SGCZ: variants seen among roughly 807,000 people sequenced by gnomAD.
SGCZ encodes the protein sarcoglycan zeta, also known as zeta-sarcoglycan.
Under a neutral mutation model 41.3 loss-of-function variants are expected in SGCZ, and 40 were observed. The observed-to-expected ratio is 0.97, with a 90% CI of 0.75 to 1.26. The LOEUF is 1.26. SGCZ is among the 50% of genes most tolerant of loss of function. The pLI, the probability that SGCZ is intolerant of heterozygous loss-of-function variation, is 0.00. For synonymous variants in SGCZ, 206 were observed against 137.5 expected, an observed-to-expected ratio of 1.50 and a Z score of -3.49; for missense variants, 552 against 369.8, an observed-to-expected ratio of 1.49 and a Z score of -4.04.
intron 1 of SGCZ, among the ~76,000 whole-genome samples, chr8:14,862,960 CTT>C (rs1246718282): frequency 6.6e-6 from 1 of 152,058 alleles, no homozygotes; most frequent in Non-Finnish European, 1.5e-5. Flanking sequence ...TCAGAGTTGA[CTT>C]ATAACTTGTG....
At chr8:14,261,224 G>A (rs1418457772) in intron 3 of SGCZ, among the ~76,000 whole-genome samples, 1 of 152,082 alleles carries the variant, frequency 6.6e-6, no homozygotes. Context: ...CTAATACAGA[G>A]ACATCTGAGC....
At chr8:14,240,327 C>CAAAAAAAAAAAAAAAAAAAAAAAA (rs59351247) in intron 3 of SGCZ, among the ~76,000 whole-genome samples, 99 of 115,208 alleles carry the variant, frequency 8.6e-4, no homozygotes, top group Non-Finnish European at 1.4e-3. Context: ...AACTCTGTGT[C>CAAAAAAAAAAAAAAAAAAAAAAAA]AAAAAAAAAA....
intron 1 of SGCZ, among the ~76,000 whole-genome samples, chr8:14,686,713 G>T (rs1212638206): frequency 6.6e-6 from 1 of 151,990 alleles, no homozygotes; most frequent in African/African-American, 2.4e-5. Flanking sequence ...ACTACATCAG[G>T]GAAGAAGGTT....
chr8:15,167,168 C>T lies in SGCZ; in HGVS notation c.39+70417G>A, dbSNP rs207468973. Among the ~76,000 whole-genome samples, 3 of 152,168 alleles carry T rather than the reference C, an allele frequency of 2.0e-5. No homozygotes were observed. The East Asian group carries it at 5.8e-4, about 29-fold the overall frequency. Reference sequence around the variant, plus strand: ...TTTGGAAACTATCTGTGAGTATCCTCGTGGCAATAAGGCTATTTGCATCAG... The same window carrying T: ...TTTGGAAACTATCTGTGAGTATCCTTGTGGCAATAAGGCTATTTGCATCAG... On this transcript the variant is annotated intron_variant, in intron 1 of 7. Coordinates refer to ENST00000382080, the MANE Select transcript of SGCZ (RefSeq NM_139167.4).
At chr8:14,131,805 G>A (rs1803049612) in intron 5 of SGCZ, among the ~76,000 whole-genome samples, 1 of 152,004 alleles carries the variant, frequency 6.6e-6, no homozygotes, top group South Asian at 2.1e-4. Flanking sequence ...CATTTTCTAT[G>A]TTTACATACA....
intron 1 of SGCZ, among the ~76,000 whole-genome samples, chr8:14,665,481 G>C (rs143166672): frequency 9.9e-5 from 15 of 152,118 alleles, no homozygotes; most frequent in African/African-American, 3.1e-4. Context: ...ATACGTGTGC[G>C]TGTCTTTATA....
chr8:15,079,020 C>A (rs73205443), intron 1 of SGCZ, among the ~76,000 whole-genome samples: 288 of 152,166 alleles, frequency 1.9e-3, no homozygotes, highest in African/African-American at 6.6e-3. Context: ...TATCTTTGAG[C>A]CTTGGCTTTA....
At chr8:14,202,051 C>A (rs554206662) in intron 4 of SGCZ, among the ~76,000 whole-genome samples, 1 of 152,286 alleles carries the variant, frequency 6.6e-6, no homozygotes, top group East Asian at 1.9e-4. Context: ...TGTTCTGCTA[C>A]AATGGTTGCA....
chr8:14,366,344 C>A (rs188165458), intron 2 of SGCZ, among the ~76,000 whole-genome samples: 1 of 152,214 alleles, frequency 6.6e-6, no homozygotes, highest in African/African-American at 2.4e-5. Flanking sequence ...CATGTGTAAG[C>A]ACAGGAAAAA....
chr8:14,867,834 G>A (rs1803990301), intron 1 of SGCZ, among the ~76,000 whole-genome samples: 1 of 151,290 alleles, frequency 6.6e-6, no homozygotes, highest in Non-Finnish European at 1.5e-5. Flanking sequence ...GTACCTGGGT[G>A]ATGAAATAAT....
intron 2 of SGCZ, among the ~76,000 whole-genome samples, chr8:14,337,211 T>C (rs767794407): frequency 2.6e-5 from 4 of 152,096 alleles, no homozygotes; most frequent in Admixed American, 2.6e-4. Flanking sequence ...AAGTCTGCAA[T>C]TGTCCCCTTC....
chr8:15,137,335 A>G (rs1348451768), intron 1 of SGCZ, among the ~76,000 whole-genome samples: 1 of 152,212 alleles, frequency 6.6e-6, no homozygotes, highest in Non-Finnish European at 1.5e-5. Flanking sequence ...CTGACAATGC[A>G]ATAAAAAAGA....
intron 1 of SGCZ, among the ~76,000 whole-genome samples, chr8:14,702,838 TAGATAGATAGATAGATAGATA>T (rs1238084687): frequency 1.8e-4 from 18 of 99,998 alleles, no homozygotes; most frequent in South Asian, 3.3e-4. Context: ...GATAGATAGA[TAGATAGATAGATAGATAGATA>T]GATAGATAGA....
intron 1 of SGCZ, among the ~76,000 whole-genome samples, chr8:14,847,950 T>C (rs1163976755): frequency 1.3e-5 from 2 of 152,050 alleles, no homozygotes; most frequent in East Asian, 3.9e-4. Flanking sequence ...AAAACAAAGA[T>C]GTCATTATTC....
At chr8:14,171,317 C>T (rs1370077575) in intron 4 of SGCZ, among the ~76,000 whole-genome samples, 1 of 151,812 alleles carries the variant, frequency 6.6e-6, no homozygotes, top group Non-Finnish European at 1.5e-5. Flanking sequence ...TTTCAAATAA[C>T]ATCTTAAAAA....
At chr8:14,604,213 G>A (rs1338459969) in intron 1 of SGCZ, among the ~76,000 whole-genome samples, 1 of 152,074 alleles carries the variant, frequency 6.6e-6, no homozygotes, top group Non-Finnish European at 1.5e-5. Context: ...ACTTATAGAA[G>A]AGGCTTCTTC....
intron 1 of SGCZ, among the ~76,000 whole-genome samples, chr8:14,705,309 T>G (rs1351136294): frequency 1.3e-5 from 2 of 152,032 alleles, no homozygotes; most frequent in Non-Finnish European, 2.9e-5. Flanking sequence ...AACAGGATTA[T>G]GAAGAACAGG....
At chr8:14,368,325 T>C (rs577966692) in intron 2 of SGCZ, among the ~76,000 whole-genome samples, 16 of 152,164 alleles carry the variant, frequency 1.1e-4, no homozygotes, top group Middle Eastern at 6.8e-3. Context: ...AGAAAAGATA[T>C]TTAGAAGAGA....
intron 5 of SGCZ, among the ~76,000 whole-genome samples, chr8:14,148,664 A>C (rs1474361074): frequency 6.6e-6 from 1 of 152,186 alleles, no homozygotes; most frequent in Non-Finnish European, 1.5e-5. Context: ...ATGGAAGAAG[A>C]GGAAATACTT....
Sources: allele counts gnomAD v4.1 joint callset (sites outside exome capture counted in the v4.1 genomes callset), GRCh38; gene constraint gnomAD v4.1.1; transcripts MANE v1.5; gene names NCBI Gene and HGNC (gene_info 2026-07-23, HGNC 2026-07-21).